SLC44A5: variants seen among roughly 807,000 people sequenced by gnomAD.
SLC44A5 encodes the protein choline transporter-like protein 5.
In SLC44A5, 57 loss-of-function variants were observed where a neutral mutation model predicts 101.8. That is an observed-to-expected ratio of 0.56 (90% CI 0.45 to 0.70). The LOEUF is 0.70. Among genes scored for constraint, SLC44A5 ranks in the 30% least tolerant of loss-of-function variants. The probability of loss-of-function intolerance (pLI) is 0.00; values close to 1 mark genes in which losing one functional copy is unlikely to be tolerated. For synonymous variants in SLC44A5, 281 were observed against 290.9 expected (o/e 0.97, Z 0.35); for missense variants, 737 against 853.1 (o/e 0.86, Z 1.70).
At chr1:75,440,217 T>G (rs191962586) in intron 2 of SLC44A5, among the ~76,000 whole-genome samples, 1 of 152,224 alleles carries the variant, frequency 6.6e-6, no homozygotes, top group Admixed American at 6.5e-5. Context: ...GAAAAGGGAA[T>G]AGTAGTACCA....
chr1:75,340,445 G>A (rs762198862), intron 3 of SLC44A5, among the ~76,000 whole-genome samples: 1 of 152,082 alleles, frequency 6.6e-6, no homozygotes, highest in Non-Finnish European at 1.5e-5. Context: ...CCTATAAAAA[G>A]GTCTGGTCCT....
the SLC44A5 span, among the ~76,000 whole-genome samples, chr1:75,647,343 T>C: frequency 2.0e-5 from 3 of 152,334 alleles, no homozygotes; most frequent in African/African-American, 7.2e-5. Flanking sequence ...TGCCTGGATG[T>C]CCAGGCAGAA....
At chr1:75,721,186 T>G in the SLC44A5 span, among the ~76,000 whole-genome samples, 5 of 152,156 alleles carry the variant, frequency 3.3e-5, no homozygotes, top group African/African-American at 1.2e-4. Flanking sequence ...AAGTAGTCTT[T>G]CAGGTTAAAT....
chr1:75,648,428 C>T, the SLC44A5 span, among the ~76,000 whole-genome samples: 1 of 152,104 alleles, frequency 6.6e-6, no homozygotes, highest in African/African-American at 2.4e-5. Context: ...AGAATATAAT[C>T]TAATGATAAT....
chr1:75,464,184 T>C (rs919797059), intron 2 of SLC44A5, among the ~76,000 whole-genome samples: 2 of 126,658 alleles, frequency 1.6e-5, no homozygotes, highest in African/African-American at 6.2e-5. Context: ...ATTGCACCAC[T>C]GCACTCCAGC....
chr1:75,613,454 C>T (rs145734350), upstream of SLC44A5, among the ~76,000 whole-genome samples: 1 of 152,300 alleles, frequency 6.6e-6, no homozygotes, highest in East Asian at 1.9e-4. Context: ...TCTGGGTTTG[C>T]TTCTGTCATC....
intron 5 of SLC44A5, among the ~76,000 whole-genome samples, chr1:75,294,348 G>A (rs1381269319): frequency 1.3e-5 from 2 of 152,024 alleles, no homozygotes; most frequent in African/African-American, 4.8e-5. Flanking sequence ...GAGGAGATGT[G>A]GAGAAAAAAG....
At chr1:75,686,086 G>A in the SLC44A5 span, among the ~76,000 whole-genome samples, 2 of 152,084 alleles carry the variant, frequency 1.3e-5, no homozygotes, top group Admixed American at 1.3e-4. Flanking sequence ...AACAGCATGA[G>A]GGTAACCACC....
At chr1:75,311,626 C>T (rs561424129) in intron 4 of SLC44A5, 226 of 944,488 alleles carry the variant, frequency 2.4e-4, no homozygotes, top group South Asian at 1.1e-3. Flanking sequence ...TATTTTGTGC[C>T]GGATACTGTG....
At chr1:75,565,444 G>A (rs1672740283) in intron 1 of SLC44A5, among the ~76,000 whole-genome samples, 3 of 152,116 alleles carry the variant, frequency 2.0e-5, no homozygotes, top group Admixed American at 6.6e-5. Context: ...GTTAATTATG[G>A]CCAATGCTGT....
chr1:75,699,711 G>A, the SLC44A5 span, among the ~76,000 whole-genome samples: 17 of 152,124 alleles, frequency 1.1e-4, no homozygotes, highest in African/African-American at 3.9e-4. Flanking sequence ...ACACAGACTG[G>A]CAAATTGGAT....
rs188415778 is a variant in SLC44A5 at position 75,533,472 on chromosome 1, T to A, written c.13+7963A>T. On this transcript the variant is annotated intron_variant, in intron 2 of 23. Transcript: ENST00000370859. ...ATGGAGTCCCTTATGTTTAAAAAAA[T>A]ATCTGACAAATAGAGCCAGGGAAGG... 1.9e-3 allele frequency among the ~76,000 whole-genome samples: 295 copies of A among 152,214 alleles called. 1 individual carries two copies. The highest frequency in any genetic ancestry group is 3.1e-3 in the Non-Finnish European group (212 of 68,018).
At chr1:75,488,556 A>T (rs1668275306) in intron 2 of SLC44A5, among the ~76,000 whole-genome samples, 1 of 152,238 alleles carries the variant, frequency 6.6e-6, no homozygotes, top group South Asian at 2.1e-4. Context: ...TCTGAATTTT[A>T]AAATGACTGT....
chr1:75,426,325 A>G (rs1312423012), intron 2 of SLC44A5, among the ~76,000 whole-genome samples: 1 of 152,192 alleles, frequency 6.6e-6, no homozygotes, highest in Non-Finnish European at 1.5e-5. Flanking sequence ...TTCTTTTAGG[A>G]AGTAGTTAGT....
intron 22 of SLC44A5, among the ~76,000 whole-genome samples, chr1:75,212,648 A>C (rs1646881338): frequency 1.3e-5 from 2 of 152,046 alleles, no homozygotes; most frequent in African/African-American, 4.8e-5. Flanking sequence ...AAAATATGTC[A>C]GTTTTAGTAT....
At chr1:75,347,526 G>T (rs922244050) in intron 3 of SLC44A5, among the ~76,000 whole-genome samples, 3 of 152,052 alleles carry the variant, frequency 2.0e-5, no homozygotes, top group Admixed American at 6.6e-5. Flanking sequence ...TCACCAATGG[G>T]TCAGGCCAGT....
At chr1:75,333,850 A>G (rs1395519426) in intron 4 of SLC44A5, among the ~76,000 whole-genome samples, 2 of 152,240 alleles carry the variant, frequency 1.3e-5, no homozygotes, top group African/African-American at 4.8e-5. Flanking sequence ...AAGAGCCAAT[A>G]GTACACATCA....
the SLC44A5 span, among the ~76,000 whole-genome samples, chr1:75,680,668 C>T: frequency 4.6e-5 from 7 of 150,568 alleles, no homozygotes; most frequent in East Asian, 1.2e-3. Context: ...AGGAAAGATC[C>T]AAAATTGACA....
chr1:75,333,457 A>AT (rs5775282), intron 4 of SLC44A5, among the ~76,000 whole-genome samples: 76,180 of 142,900 alleles, frequency 0.53, 20,984 homozygotes, highest in Non-Finnish European at 0.63. Flanking sequence ...TCTTTTTTCT[A>AT]TTTTTTTTTT....
Sources: gnomAD v4.1 joint callset for allele counts (sites outside exome capture counted in the v4.1 genomes callset) on GRCh38, gnomAD v4.1.1 for gene constraint, MANE v1.5 for transcripts, NCBI Gene and HGNC (gene_info 2026-07-23, HGNC 2026-07-21) for gene names.